The following CASKIN1 variants were observed in gnomAD, a reference collection of about 807,000 sequenced individuals.
CASKIN1 encodes caskin-1.
A neutral mutation model predicts 117.5 loss-of-function variants in CASKIN1; 42 were observed. The observed-to-expected ratio is 0.36, with a 90% confidence interval of 0.28 to 0.46. The LOEUF (loss-of-function observed/expected upper bound fraction) is 0.46. CASKIN1 is among the 20% of genes least tolerant of loss of function. The probability of loss-of-function intolerance (pLI) is 1.00; values close to 1 mark genes in which losing one functional copy is unlikely to be tolerated. For synonymous variants in CASKIN1, 1,148 were observed against 961.7 expected (o/e 1.19, Z -3.59); for missense variants, 2,083 against 2,077.3 (o/e 1.00, Z -0.05).
chr16:2,186,696 G>T lies in CASKIN1; in HGVS notation c.1048+11C>A, dbSNP rs560956044. 6.2e-7 allele frequency: 1 copy of T among 1,609,550 alleles called. No homozygotes were observed. The highest frequency in any genetic ancestry group is 1.1e-5 in the South Asian group (1 of 90,870). Reference sequence around the variant, plus strand: ...GCTCCTGCCTGCCCCCCAGGGTGGGGTGGAACTTGCCTGCTCGCTTGACAA... The same window carrying T: ...GCTCCTGCCTGCCCCCCAGGGTGGGTTGGAACTTGCCTGCTCGCTTGACAA... On this transcript the variant is annotated intron_variant, in intron 10 of 19. Coordinates refer to ENST00000343516, the MANE Select transcript of CASKIN1 (RefSeq NM_020764.4).
At position 2,181,638 on chromosome 16, in the gene CASKIN1, G is replaced by A. The variant is rs761808113; in HGVS notation, c.1769-39C>T. ...AGGGGGCAGGTCAGGTGGACCAGGA[G>A]GCGGAGGGGCAGGGGCCGGGCTAGG... On this transcript the variant is annotated intron_variant, in intron 17 of 19. Coordinates refer to ENST00000343516, the MANE Select transcript of CASKIN1 (RefSeq NM_020764.4). The A allele has an allele frequency of 1.3e-5, 20 of 1,531,436 alleles. 1 individual carries two copies. In the African/African-American group the frequency reaches 2.2e-4, roughly 17 times the overall value. 94.9% of individuals were successfully genotyped at this position (1,531,436 alleles called of 1,614,324 possible).
At chr16:2,195,274 G>A (rs1287660827) in intron 1 of CASKIN1, among the ~76,000 whole-genome samples, 1 of 152,200 alleles carries the variant, frequency 6.6e-6, no homozygotes, top group South Asian at 2.1e-4. Flanking sequence ...GGGACTCCTA[G>A]GTGCCCCCAA....
Position 2,180,894 on chromosome 16 carries a change from T to A in CASKIN1, c.2474A>T (p.Gln825Leu). The A allele has an allele frequency of 6.9e-7, 1 of 1,443,048 alleles. No homozygotes were observed. Among genetic ancestry groups the A allele is most frequent in the Non-Finnish European group, 9.1e-7 (1 of 1,104,686 alleles). 89.4% of individuals were successfully genotyped at this position (1,443,048 alleles called of 1,614,324 possible). ...ERPMSPRSLP[Q>L]SPTHRGFAYV... ...GGCAAAGCCGCGGTGCGTCGGTGAC[T>A]GAGGCAGGGAGCGGGGTGACATGGG... Residue 825 changes from glutamine to leucine, a missense_variant, in exon 18 of 20, where the codon CAG becomes CTG. Coordinates refer to ENST00000343516, the MANE Select transcript of CASKIN1 (RefSeq NM_020764.4).
chr16:2,179,363 G>A lies in CASKIN1; in HGVS notation c.3776-38C>T. Reference sequence around the variant, plus strand: ...CCACGCTGGCACCGAGCGGGCACGAGTTCCGCCGCCGCGCCCCCTGCCCCA... The same window carrying A: ...CCACGCTGGCACCGAGCGGGCACGAATTCCGCCGCCGCGCCCCCTGCCCCA... On this transcript the variant is annotated intron_variant, in intron 18 of 19. Coordinates refer to ENST00000343516, the MANE Select transcript of CASKIN1 (RefSeq NM_020764.4). The surrounding 1 kb of genome is among the most constrained non-coding windows in gnomAD (Gnocchi z 5.8). 3.0e-6 allele frequency: 4 copies of A among 1,328,074 alleles called. No homozygotes were observed. The South Asian group carries it at 8.9e-5, about 30-fold the overall frequency. The allele number at this position is 1,328,074 out of a possible 1,614,324, so 82.3% of individuals were successfully genotyped here.
rs1471456779 is a variant in CASKIN1, at chr16:2,181,500, G to A, written c.1868C>T (p.Pro623Leu). The A allele has an allele frequency of 1.9e-6, 3 of 1,610,050 alleles. No homozygotes were observed. The highest frequency in any genetic ancestry group is 1.1e-5 in the South Asian group (1 of 90,840). ...GATGGCCATCACTTCAAGAGACTGG[G>A]GCGCCTTCCGGCGCAGGGGGCCCCC... ...YEGGPLRRKA[P>L]QSLEVMAIES... The change falls in exon 18 of 20, where the codon CCC becomes CTC. Residue 623 changes from proline to leucine, a missense_variant. This residue lies in a region of CASKIN1 where 1,818 missense variants were observed against 1,688.9 expected (regional missense o/e 1.08). Coordinates refer to ENST00000343516, the MANE Select transcript of CASKIN1 (RefSeq NM_020764.4).
intron 14 of CASKIN1, among the ~76,000 whole-genome samples, 199 bp from the exon 15 acceptor site, chr16:2,184,140 C>T (rs1449741742): frequency 1.3e-5 from 2 of 151,630 alleles, no homozygotes. Context: ...CTGGAGCATC[C>T]TCCACCCTTC....
In CASKIN1 at chr16:2,196,291, G is replaced by T. The variant is rs1476418279; in HGVS notation, c.94+48C>A. On this transcript the variant is annotated intron_variant, in intron 1 of 19. Coordinates refer to ENST00000343516, the MANE Select transcript of CASKIN1 (RefSeq NM_020764.4). This position sits in a 1 kb window ranked among gnomAD's most constrained non-coding sequence, Gnocchi z 5.7. ...GCCGGGTGGGGGGCTCCGCGCCGGG[G>T]AGGGGCCCCCGGGGCTCCCACCCGC... The T allele has an allele frequency of 4.3e-6, 4 of 926,210 alleles. No individual in the cohort carries two copies. The highest frequency in any genetic ancestry group is 5.4e-6 in the Non-Finnish European group (4 of 736,146). 57.4% of individuals were successfully genotyped at this position (926,210 alleles called of 1,614,324 possible). A position where few individuals can be genotyped will look rare whatever the true frequency, so the allele number is the denominator to read the frequency against.
At position 2,177,602 on chromosome 16, in the gene CASKIN1, G is replaced by T. The variant is rs957719621; in HGVS notation, c.*948C>A. Reference sequence around the variant, plus strand: ...AAGCGTCCGTGGGAACTCCACTGGGGTGGATGGGCTGCCTGCACAGCCCCT... The same window carrying T: ...AAGCGTCCGTGGGAACTCCACTGGGTTGGATGGGCTGCCTGCACAGCCCCT... On this transcript the variant is annotated 3_prime_UTR_variant, in exon 20 of 20. Coordinates refer to ENST00000343516, the MANE Select transcript of CASKIN1 (RefSeq NM_020764.4). 10 of 237,388 alleles carry T rather than the reference G, an allele frequency of 4.2e-5. No homozygotes were observed. In the Admixed American group the frequency reaches 4.9e-4, roughly 12 times the overall value. 14.7% of individuals were successfully genotyped at this position (237,388 alleles called of 1,614,324 possible).
At chr16:2,188,059 T>TG (rs1391494428) in intron 6 of CASKIN1, among the ~76,000 whole-genome samples, 3 of 151,580 alleles carry the variant, frequency 2.0e-5, no homozygotes, top group Non-Finnish European at 4.4e-5. Context: ...TTTTTTTTTT[T>TG]TTTTGCCTTT....
At chr16:2,195,338 G>A (rs2141332774) in intron 1 of CASKIN1, among the ~76,000 whole-genome samples, 1 of 152,292 alleles carries the variant, frequency 6.6e-6, no homozygotes, top group South Asian at 2.1e-4. Flanking sequence ...GGAAGGGGAG[G>A]GGGACTCTCT....
chr16:2,194,699 C>T (rs1010392473), intron 1 of CASKIN1, among the ~76,000 whole-genome samples: 5 of 152,146 alleles, frequency 3.3e-5, no homozygotes, highest in East Asian at 1.9e-4. Context: ...GAGCAGGAGC[C>T]GGGGCCAGGG....
At chr16:2,193,715 C>A (rs2093207391) in intron 1 of CASKIN1, among the ~76,000 whole-genome samples, 1 of 152,230 alleles carries the variant, frequency 6.6e-6, no homozygotes, top group Non-Finnish European at 1.5e-5. Flanking sequence ...AAGGGGACCA[C>A]CCCCATGTGA....
chr16:2,181,228 G>T lies in CASKIN1; in HGVS notation c.2140C>A (p.Pro714Thr). Residue 714 changes from proline (P) to threonine (T), a missense_variant, in exon 18 of 20, where the codon CCC (proline) becomes ACC (threonine). Pro to Thr is a conservative substitution (Grantham distance 38). Transcript: ENST00000343516. ...SSSQELLGDG[P>T]PGPSSPMSRS... is the part of the protein sequence containing the mutation. ...GACATGGGGCTGCTGGGCCCAGGGGGCCCATCTCCCAGCAGCTCCTGCGAG... is the reference window on the plus strand; with the variant it reads ...GACATGGGGCTGCTGGGCCCAGGGGTCCCATCTCCCAGCAGCTCCTGCGAG... 6.3e-7 allele frequency: 1 copy of T among 1,593,754 alleles called. No homozygotes were observed. Among genetic ancestry groups the T allele is most frequent in the Non-Finnish European group, 8.5e-7 (1 of 1,176,838 alleles).
In CASKIN1 at chr16:2,179,716, C is replaced by A. The variant is rs781658400; in HGVS notation, c.3652G>T (p.Ala1218Ser). The A allele has an allele frequency of 2.4e-4, 360 of 1,530,732 alleles. No homozygotes were observed. Among genetic ancestry groups the A allele is most frequent in the Non-Finnish European group, 2.8e-4 (326 of 1,146,872 alleles). 94.8% of individuals were successfully genotyped at this position (1,530,732 alleles called of 1,614,324 possible). A position where few individuals can be genotyped will look rare whatever the true frequency, so the allele number is the denominator to read the frequency against. Reference sequence around the variant, plus strand: ...ACAGGCGGCTTGGCCGGCTTCCGGGCTTCGCCCTCGGGCGGGGGCAATGGG... The same window carrying A: ...ACAGGCGGCTTGGCCGGCTTCCGGGATTCGCCCTCGGGCGGGGGCAATGGG... Reference protein sequence around the residue: ...LPPLPPPEGEARKPAKPPVSP... With the variant: ...LPPLPPPEGESRKPAKPPVSP... Residue 1218 changes from alanine to serine, a missense_variant, in exon 18 of 20, where the codon GCC (alanine) becomes TCC (serine). Physicochemically the swap from Ala to Ser is moderately conservative, Grantham distance 99. Transcript: ENST00000343516. The surrounding 1 kb of genome is among the most constrained non-coding windows in gnomAD (Gnocchi z 5.8).
chr16:2,179,668 G>T lies in CASKIN1; in HGVS notation c.3700C>A (p.Gln1234Lys). Residue 1234 changes from glutamine to lysine, a missense_variant, in exon 18 of 20, where the codon CAG becomes AAG. Physicochemically the swap from Gln to Lys is moderately conservative, Grantham distance 53. This residue lies in a region of CASKIN1 where 1,818 missense variants were observed against 1,688.9 expected (regional missense o/e 1.08). Transcript: ENST00000343516. The surrounding 1 kb of genome is among the most constrained non-coding windows in gnomAD (Gnocchi z 5.8). ...GAGCCCTGGAGCTTGGGCACAGGCT[G>T]CGTCAGGACGGGCTTGGGAGAGACA... Reference protein sequence around the residue: ...PPVSPKPVLTQPVPKLQGSPT... With the variant: ...PPVSPKPVLTKPVPKLQGSPT... 6.6e-7 allele frequency: 1 copy of T among 1,514,306 alleles called. No homozygotes were observed. The highest frequency in any genetic ancestry group is 2.3e-5 in the Admixed American group (1 of 43,882). 93.8% of individuals were successfully genotyped at this position (1,514,306 alleles called of 1,614,324 possible). A position where few individuals can be genotyped will look rare whatever the true frequency, so the allele number is the denominator to read the frequency against.
intron 1 of CASKIN1, among the ~76,000 whole-genome samples, chr16:2,194,759 G>C (rs2093210921): frequency 6.6e-6 from 1 of 152,134 alleles, no homozygotes; most frequent in Admixed American, 6.5e-5. Flanking sequence ...AGAGACCCAG[G>C]TGAGAGTGGA....
chr16:2,188,306 C>A (rs1197054472), intron 6 of CASKIN1, among the ~76,000 whole-genome samples: 1 of 151,868 alleles, frequency 6.6e-6, no homozygotes, highest in East Asian at 1.9e-4. Context: ...CCCACCTCAG[C>A]CTCTCAAGCA....
rs777887677 is a variant in CASKIN1 at position 2,185,131 on chromosome 16, C to T, written c.1219G>A (p.Ala407Thr). The change falls in exon 12 of 20, where the codon GCG becomes ACG. Residue 407 changes from alanine to threonine, a missense_variant. Ala to Thr is a moderately conservative substitution (Grantham distance 58). Transcript: ENST00000343516. The part of the protein sequence containing the change: ...GRGSGGHALH[A>T]GSEGVKLLAT... ...CCTACCTTGACGCCTTCAGAGCCCGCGTGTAGGGCGTGACCCCCGCTGCCC... is the reference window on the plus strand; with the variant it reads ...CCTACCTTGACGCCTTCAGAGCCCGTGTGTAGGGCGTGACCCCCGCTGCCC... The T allele has an allele frequency of 5.6e-6, 9 of 1,608,864 alleles. No individual in the cohort carries two copies. The highest frequency in any genetic ancestry group is 1.7e-5 in the Admixed American group (1 of 59,966).
intron 13 of CASKIN1, 28 bp downstream of exon 13, chr16:2,184,923 G>C (rs1364691167): frequency 1.3e-6 from 2 of 1,582,854 alleles, no homozygotes; most frequent in Non-Finnish European, 1.7e-6. Context: ...TCCTCCATCG[G>C]GCTGCGTGGC....
Sources: allele counts gnomAD v4.1 joint callset (sites outside exome capture counted in the v4.1 genomes callset), GRCh38; gene constraint gnomAD v4.1.1; regional missense constraint gnomAD v4.1.1; non-coding constraint Gnocchi (gnomAD v3.1); transcripts MANE v1.5; gene names NCBI Gene and HGNC (gene_info 2026-07-23, HGNC 2026-07-21).